VRTN: variants seen among roughly 807,000 people sequenced by gnomAD.
VRTN encodes vertebrae development associated.
Under a neutral mutation model 18.2 loss-of-function variants are expected in VRTN, and 5 were observed. The ratio of observed to expected loss-of-function variants is 0.27; its 90% confidence interval spans 0.14 to 0.58. VRTN has a LOEUF of 0.58. Among genes scored for constraint, VRTN ranks in the 20% least tolerant of loss-of-function variants. The pLI, the probability that VRTN is intolerant of heterozygous loss-of-function variation, is 0.91. For missense variants in VRTN, 741 were observed against 939.4 expected (o/e 0.79, Z 2.76); for synonymous variants, 381 against 393.7 (o/e 0.97, Z 0.38).
At chr14:74,345,285 T>A (rs1185077535), upstream of VRTN, among the ~76,000 whole-genome samples, 96 of 151,682 alleles carry the variant, frequency 6.3e-4, 1 homozygote, top group Admixed American at 6.3e-3. Flanking sequence ...GCTCAACTGA[T>A]CCTTCTGCCT....
At chr14:74,347,673 C>T (rs2085652454), upstream of VRTN, among the ~76,000 whole-genome samples, 1 of 152,194 alleles carries the variant, frequency 6.6e-6, no homozygotes, top group South Asian at 2.1e-4. Flanking sequence ...GCCTTCACCT[C>T]CCCCATCAGC....
intron 2 of VRTN, among the ~76,000 whole-genome samples, chr14:74,343,243 C>G (rs2085620095): frequency 1.3e-5 from 2 of 152,094 alleles, no homozygotes. Context: ...TCTCCTGCCT[C>G]AATCTCCTGA....
chr14:74,357,011 G>A lies in VRTN; in HGVS notation c.228G>A (p.Pro76=), dbSNP rs138150653. 1.2e-5 allele frequency: 20 copies of A among 1,609,708 alleles called. No homozygotes were observed. The highest frequency in any genetic ancestry group is 2.2e-5 in the South Asian group (2 of 90,760). Residue 76 remains proline (P), a synonymous_variant, in exon 2 of 2, where the codon CCG becomes CCA. Transcript: ENST00000256362. This position sits in a 1 kb window ranked among gnomAD's most constrained non-coding sequence, Gnocchi z 7.8. ...YPEDAPRNML[P]LVCKGEGSLL... The stretch of plus-strand genomic sequence containing the variant: ...AAGATGCTCCACGGAACATGCTGCC[G>A]CTGGTGTGCAAGGGGGAGGGCAGCC...
chr14:74,356,162 G>C (rs544369522), intron 1 of VRTN, among the ~76,000 whole-genome samples: 1 of 151,738 alleles, frequency 6.6e-6, no homozygotes, highest in South Asian at 2.1e-4. Flanking sequence ...TTTATGCCCA[G>C]AACAACTCAA....
intron 1 of VRTN, among the ~76,000 whole-genome samples, chr14:74,319,633 G>A (rs2085440461): frequency 6.6e-6 from 1 of 152,196 alleles, no homozygotes; most frequent in African/African-American, 2.4e-5. Context: ...GGTTAAATTT[G>A]AGATGCCTGT....
At position 74,323,509 on chromosome 14, in the gene VRTN, G is replaced by A. The variant is rs556392690; in HGVS notation, c.-163-14214G>A. On this transcript the variant is annotated intron_variant, in intron 1 of 2. Coordinates refer to the VRTN transcript ENST00000557177. ...TGAGGCAGGAGAATCATTTGAACCC[G>A]GGAAGTGCAGGCTGCAGTGAGCCAA... is the stretch of plus-strand genomic sequence containing the variant. Among the ~76,000 whole-genome samples the A allele has an allele frequency of 2.0e-5, 3 of 151,910 alleles. No individual in the cohort carries two copies. The South Asian group carries it at 6.2e-4, about 32-fold the overall frequency.
chr14:74,306,525 CTG>C (rs1009667332), intron 1 of VRTN: 3 of 151,410 alleles, frequency 2.0e-5, no homozygotes, highest in African/African-American at 7.3e-5. Flanking sequence ...GTTAAGAAAA[CTG>C]TGAAATTCAA....
intron 1 of VRTN, among the ~76,000 whole-genome samples, chr14:74,312,793 G>A (rs758549762): frequency 1.5e-4 from 21 of 138,764 alleles, no homozygotes; most frequent in African/African-American, 4.6e-4. Context: ...TCGCTCTGGC[G>A]CCCAGGCTGG....
chr14:74,325,028 G>A (rs1318774857), intron 1 of VRTN, among the ~76,000 whole-genome samples: 2 of 152,074 alleles, frequency 1.3e-5, no homozygotes, highest in Non-Finnish European at 2.9e-5. Flanking sequence ...CCAGAAACCA[G>A]TAGGGGGGAG....
chr14:74,332,335 GTTTTTTTTTTTTTTTTTTTTTTTTTTT>G (rs67857502), intron 1 of VRTN, among the ~76,000 whole-genome samples: 5 of 39,540 alleles, frequency 1.3e-4, no homozygotes, highest in Middle Eastern at 0.021. Context: ...CTCCTAATCT[GTTTTTTTTTTTTTTTTTTTTTTTTTTT>G]TTTTTTTTTT....
At chr14:74,347,679 T>G (rs1231740092), upstream of VRTN, among the ~76,000 whole-genome samples, 1 of 152,186 alleles carries the variant, frequency 6.6e-6, no homozygotes, top group East Asian at 1.9e-4. Context: ...ACCTCCCCCA[T>G]CAGCAGGGGC....
Position 74,357,741 on chromosome 14 carries a change from C to T in VRTN, c.958C>T (p.Leu320=), listed in dbSNP as rs564615808. 4.0e-5 allele frequency: 65 copies of T among 1,613,478 alleles called. 1 individual carries two copies. The South Asian group carries it at 6.1e-4, about 15-fold the overall frequency. The change falls in exon 2 of 2, where the codon CTG becomes TTG. Residue 320 remains leucine, a synonymous_variant. Transcript: ENST00000256362. The surrounding 1 kb of genome is among the most constrained non-coding windows in gnomAD (Gnocchi z 7.8). ...TGCCCGCTTCTCCGCCAAGCACTTC[C>T]TGCAGGACAGCTTCCACCGGGGGGG... is the stretch of plus-strand genomic sequence containing the variant. The part of the protein sequence containing the change: ...VAARFSAKHF[L]QDSFHRGGVV...
At chr14:74,334,389 G>A (rs1044537165) in intron 1 of VRTN, among the ~76,000 whole-genome samples, 3 of 152,212 alleles carry the variant, frequency 2.0e-5, no homozygotes, top group African/African-American at 7.2e-5. Context: ...CATTACCCAG[G>A]CATGGCGGTG....
intron 1 of VRTN, among the ~76,000 whole-genome samples, chr14:74,324,539 T>C (rs954061671): frequency 2.0e-5 from 3 of 152,224 alleles, no homozygotes; most frequent in Admixed American, 6.5e-5. Flanking sequence ...TGGTGAGATA[T>C]GGACAGCCTG....
intron 1 of VRTN, among the ~76,000 whole-genome samples, chr14:74,333,720 A>T (rs558705475): frequency 2.0e-5 from 3 of 150,744 alleles, no homozygotes; most frequent in South Asian, 4.2e-4. Context: ...CATGCCTGTA[A>T]TTCCTGCTAC....
At chr14:74,318,809 G>A (rs1194650254) in intron 1 of VRTN, among the ~76,000 whole-genome samples, 1 of 150,510 alleles carries the variant, frequency 6.6e-6, no homozygotes, top group Non-Finnish European at 1.5e-5. Flanking sequence ...CACCTCCCAG[G>A]TTCAAGCAAT....
rs1209052226 is a variant in VRTN at position 74,357,881 on chromosome 14, G to A, written c.1098G>A (p.Arg366=). Residue 366 remains arginine, a synonymous_variant, in exon 2 of 2, where the codon AGG becomes AGA. Coordinates refer to ENST00000256362, the MANE Select transcript of VRTN (RefSeq NM_018228.3). The surrounding 1 kb of genome is among the most constrained non-coding windows in gnomAD (Gnocchi z 7.8). ...GSGTCPALPP[R]EVLGMEELEK... The stretch of plus-strand genomic sequence containing the variant: ...GCACCTGCCCGGCCTTGCCCCCCAG[G>A]GAGGTGCTGGGCATGGAGGAGCTAG... The A allele has an allele frequency of 1.2e-6, 2 of 1,613,928 alleles. No individual in the cohort carries two copies. Among genetic ancestry groups the A allele is most frequent in the East Asian group, 2.2e-5 (1 of 44,886 alleles).
chr14:74,307,385 C>T (rs945219773), intron 1 of VRTN, among the ~76,000 whole-genome samples: 5 of 152,092 alleles, frequency 3.3e-5, no homozygotes, highest in African/African-American at 1.2e-4. Context: ...GCGCCTCCAC[C>T]TCCCCAAGTG....
chr14:74,331,867 C>T (rs902639735), intron 1 of VRTN, among the ~76,000 whole-genome samples: 8 of 151,892 alleles, frequency 5.3e-5, no homozygotes, highest in African/African-American at 1.2e-4. Context: ...CTCCAAATTC[C>T]GTACTTTGTT....
Sources: allele counts gnomAD v4.1 joint callset (sites outside exome capture counted in the v4.1 genomes callset), GRCh38; gene constraint gnomAD v4.1.1; non-coding constraint Gnocchi (gnomAD v3.1); transcripts MANE v1.5; gene names NCBI Gene and HGNC (gene_info 2026-07-23, HGNC 2026-07-21).